The following ALDH1L1 variants were observed in gnomAD, a reference collection of about 807,000 sequenced individuals.
ALDH1L1 encodes aldehyde dehydrogenase 1 family member L1, also known as cytosolic 10-formyltetrahydrofolate dehydrogenase.
ALDH1L1 carries 68 observed loss-of-function variants against 101.1 expected under a neutral mutation model. The observed-to-expected ratio is 0.67, with a 90% confidence interval of 0.55 to 0.82. The LOEUF (loss-of-function observed/expected upper bound fraction) is 0.82. ALDH1L1 is among the 40% of genes least tolerant of loss of function. The pLI, the probability that ALDH1L1 is intolerant of heterozygous loss-of-function variation, is 0.00. For synonymous variants in ALDH1L1, 486 were observed against 470.8 expected (o/e 1.03, Z -0.42); for missense variants, 1,087 against 1,172.7 (o/e 0.93, Z 1.07).
chr3:126,188,107 GC>G (rs1226465986), intron 1 of ALDH1L1, among the ~76,000 whole-genome samples: 3 of 152,208 alleles, frequency 2.0e-5, no homozygotes, highest in Admixed American at 2.0e-4. Context: ...ACTTGAAGCA[GC>G]CGGCTGCCTG....
intron 1 of ALDH1L1, among the ~76,000 whole-genome samples, chr3:126,176,019 C>T (rs374879563): frequency 4.5e-4 from 69 of 152,150 alleles, no homozygotes; most frequent in African/African-American, 1.4e-3. Context: ...GGTTAATATA[C>T]AAAAATTGAT....
upstream of ALDH1L1, among the ~76,000 whole-genome samples, chr3:126,184,057 T>C (rs2081497314): frequency 6.6e-6 from 1 of 152,198 alleles, no homozygotes; most frequent in Non-Finnish European, 1.5e-5. Context: ...CGTAGTGACT[T>C]CCTTTTAACA....
At chr3:126,114,058 C>T (rs1260809949) in intron 18 of ALDH1L1, among the ~76,000 whole-genome samples, 1 of 152,212 alleles carries the variant, frequency 6.6e-6, no homozygotes, top group Non-Finnish European at 1.5e-5. Context: ...GTCAGCAGGG[C>T]TGGGCCCAAG....
In ALDH1L1 at chr3:126,110,086, C is replaced by T. The variant is rs1946031033; in HGVS notation, c.2205G>A (p.Lys735=). The change falls in exon 20 of 23, where the codon AAG becomes AAA. Residue 735 remains lysine (K), a synonymous_variant. Transcript: ENST00000393434. ...RRVVEEVRKM[K]VGNPLDRDTD... ...TGTCCCTGTCCAGCGGGTTGCCCAC[C>T]TTCATCTTCCGCACCTCTTCTACCT... 8.1e-6 allele frequency: 13 copies of T among 1,614,082 alleles called. No individual in the cohort carries two copies. The East Asian group carries it at 8.9e-5, about 11-fold the overall frequency.
intron 1 of ALDH1L1, among the ~76,000 whole-genome samples, chr3:126,173,190 TTTCTTA>T (rs1441403737): frequency 2.6e-5 from 4 of 152,232 alleles, no homozygotes; most frequent in African/African-American, 9.6e-5. Context: ...AATAATTTTT[TTTCTTA>T]TTCTTAATCT....
chr3:126,135,308 C>A (rs1215651549), intron 12 of ALDH1L1: 1 of 462,186 alleles, frequency 2.2e-6, no homozygotes, highest in Admixed American at 4.8e-5. Flanking sequence ...CCCCTGAGCC[C>A]ACTCTGCTGA....
In ALDH1L1 at chr3:126,136,772, C is replaced by G; in HGVS notation, c.1336G>C (p.Asp446His). 6.4e-7 allele frequency: 1 copy of G among 1,571,936 alleles called. No individual in the cohort carries two copies. The highest frequency in any genetic ancestry group is 8.6e-7 in the Non-Finnish European group (1 of 1,157,772). Reference sequence around the variant, plus strand: ...GCTGGGCCTGCACTCACACTTCCATCGGTGGGATTGATGGTCTCAGAGGTC... The same window carrying G: ...GCTGGGCCTGCACTCACACTTCCATGGGTGGGATTGATGGTCTCAGAGGTC... ...AKTSETINPT[D>H]GSVICQVSLA... Residue 446 changes from aspartate to histidine, a missense_variant, in exon 11 of 23, where the codon GAT becomes CAT. Coordinates refer to ENST00000393434, the MANE Select transcript of ALDH1L1 (RefSeq NM_012190.4).
At chr3:126,176,546 C>A (rs777751398) in intron 1 of ALDH1L1, among the ~76,000 whole-genome samples, 1 of 152,158 alleles carries the variant, frequency 6.6e-6, no homozygotes, top group African/African-American at 2.4e-5. Context: ...GTCAACTGAA[C>A]TTTGACAAAG....
chr3:126,158,303 C>T (rs752497603), intron 3 of ALDH1L1, 102 bp downstream of exon 3: 7 of 1,191,150 alleles, frequency 5.9e-6, no homozygotes, highest in Non-Finnish European at 8.2e-6. Context: ...ACGATGCCCA[C>T]TCTGCAGCCC....
At chr3:126,169,736 G>A (rs2081237655) in intron 1 of ALDH1L1, among the ~76,000 whole-genome samples, 2 of 152,244 alleles carry the variant, frequency 1.3e-5, no homozygotes, top group Admixed American at 6.5e-5. Context: ...TTCCATCAAA[G>A]CTGATTTAAA....
chr3:126,147,517 C>T (rs754101441), intron 8 of ALDH1L1, among the ~76,000 whole-genome samples: 8 of 152,162 alleles, frequency 5.3e-5, no homozygotes, highest in Non-Finnish European at 8.8e-5. Context: ...GCCAGCTGGC[C>T]CTGTGGATGT....
At chr3:126,111,851 G>A (rs1490032538) in intron 19 of ALDH1L1, among the ~76,000 whole-genome samples, 2 of 152,142 alleles carry the variant, frequency 1.3e-5, no homozygotes, top group Non-Finnish European at 1.5e-5. Flanking sequence ...GGTGCTCTTC[G>A]CGGAAGCTAA....
rs1039574300 is a variant in ALDH1L1, at chr3:126,103,623, G to T, written c.*168C>A. On this transcript the variant is annotated 3_prime_UTR_variant, in exon 23 of 23. Transcript: ENST00000393434. ...GGAGGGGCACACCTCACCCAGCCAAGGGCTGCTTCTGACTGGACAGAGGGC... is the reference window on the plus strand; with the variant it reads ...GGAGGGGCACACCTCACCCAGCCAATGGCTGCTTCTGACTGGACAGAGGGC... 25 of 675,292 alleles carry T rather than the reference G, an allele frequency of 3.7e-5. No homozygotes were observed. The highest frequency in any genetic ancestry group is 1.1e-4 in the South Asian group (6 of 53,674). 41.8% of individuals were successfully genotyped at this position (675,292 alleles called of 1,614,324 possible). A position where few individuals can be genotyped will look rare whatever the true frequency, so the allele number is the denominator to read the frequency against.
chr3:126,147,596 G>C (rs2080721565), intron 8 of ALDH1L1, among the ~76,000 whole-genome samples: 1 of 152,194 alleles, frequency 6.6e-6, no homozygotes, highest in Non-Finnish European at 1.5e-5. Context: ...ACTGCTCTCT[G>C]GGCAGGCTGC....
At chr3:126,119,298 T>C (rs1576422885) in intron 16 of ALDH1L1, among the ~76,000 whole-genome samples, 4 of 152,366 alleles carry the variant, frequency 2.6e-5, no homozygotes, top group African/African-American at 7.2e-5. Context: ...GCTTGGCATC[T>C]GCACTTGGAT....
At chr3:126,191,631 T>G (rs757760937) in intron 1 of ALDH1L1, among the ~76,000 whole-genome samples, 2 of 152,200 alleles carry the variant, frequency 1.3e-5, no homozygotes, top group Non-Finnish European at 2.9e-5. Context: ...ATCTGCAGTA[T>G]CCTGCAAGTC....
intron 16 of ALDH1L1, among the ~76,000 whole-genome samples, chr3:126,122,891 G>GA (rs2080105943): frequency 2.6e-5 from 4 of 152,186 alleles, no homozygotes; most frequent in Non-Finnish European, 5.9e-5. Context: ...AAGTAGTACA[G>GA]CAGGAGAAAC....
At position 126,166,725 on chromosome 3, in the gene ALDH1L1, C is replaced by T. The variant is rs568823168; in HGVS notation, c.-23-5723G>A. Among the ~76,000 whole-genome samples, 3 of 152,200 alleles carry T rather than the reference C, an allele frequency of 2.0e-5. No homozygotes were observed. The East Asian group carries it at 5.8e-4, about 29-fold the overall frequency. On this transcript the variant is annotated intron_variant, in intron 1 of 22. Coordinates refer to ENST00000393434, the MANE Select transcript of ALDH1L1 (RefSeq NM_012190.4). ...CAATGTACTAAGTAAATCATTCACT[C>T]ATACCCACTGGGAAAATTTAATGTT...
chr3:126,188,249 T>C (rs1576512200), intron 1 of ALDH1L1, among the ~76,000 whole-genome samples: 1 of 152,238 alleles, frequency 6.6e-6, no homozygotes, highest in South Asian at 2.1e-4. Flanking sequence ...ATATTGGCAG[T>C]TTCTGCATCT....
Sources: gnomAD v4.1 joint callset for allele counts (sites outside exome capture counted in the v4.1 genomes callset) on GRCh38, gnomAD v4.1.1 for gene constraint, MANE v1.5 for transcripts, NCBI Gene and HGNC (gene_info 2026-07-23, HGNC 2026-07-21) for gene names.